COL6A6: variants seen among roughly 807,000 people sequenced by gnomAD.
COL6A6 encodes collagen type VI alpha 6 chain.
COL6A6 carries 183 observed loss-of-function variants against 208.6 expected under a neutral mutation model. That is an observed-to-expected ratio of 0.88 (90% confidence interval 0.78 to 0.99). COL6A6 has a LOEUF of 0.99. Ranked by LOEUF, COL6A6 falls within the 50% of genes least tolerant of loss-of-function variation. The pLI, the probability that COL6A6 is intolerant of heterozygous loss-of-function variation, is 0.00. For synonymous variants in COL6A6, 973 were observed against 1,011.8 expected (o/e 0.96, Z 0.73); for missense variants, 2,816 against 2,815.2 (o/e 1.00, Z -0.01).
intron 1 of COL6A6, among the ~76,000 whole-genome samples, chr3:130,530,192 G>A (rs548624173): frequency 6.6e-6 from 1 of 152,242 alleles, no homozygotes; most frequent in South Asian, 2.1e-4. Context: ...CTTAAAAACC[G>A]TTTGGCTCTG....
At chr3:130,539,732 A>G (rs1286806263) in intron 1 of COL6A6, among the ~76,000 whole-genome samples, 1 of 152,200 alleles carries the variant, frequency 6.6e-6, no homozygotes, top group African/African-American at 2.4e-5. Flanking sequence ...TGATCAAAAT[A>G]TGCTCTTCAC....
At chr3:130,548,381 G>A (rs2062567599) in intron 1 of COL6A6, among the ~76,000 whole-genome samples, 1 of 152,154 alleles carries the variant, frequency 6.6e-6, no homozygotes, top group Non-Finnish European at 1.5e-5. Flanking sequence ...GTGCTTCTCA[G>A]GCCCCTGTCC....
chr3:130,554,250 A>G (rs1419262201), intron 1 of COL6A6, among the ~76,000 whole-genome samples: 1 of 152,226 alleles, frequency 6.6e-6, no homozygotes, highest in Non-Finnish European at 1.5e-5. Context: ...GCTCTTGTGC[A>G]GGTATTCATA....
chr3:130,628,017 A>T (rs2064942633), intron 26 of COL6A6, among the ~76,000 whole-genome samples: 1 of 152,230 alleles, frequency 6.6e-6, no homozygotes, highest in Admixed American at 6.5e-5. Context: ...AATTGCTGAG[A>T]CAGAAAAGAG....
chr3:130,570,882 T>G lies in COL6A6; in HGVS notation c.2466T>G (p.Tyr822Ter), dbSNP rs1364997858. The G allele has an allele frequency of 6.2e-7, 1 of 1,613,890 alleles. No homozygotes were observed. The highest frequency in any genetic ancestry group is 1.7e-5 in the Admixed American group (1 of 60,010). Residue 822 changes from tyrosine to a stop codon, truncating the protein, a stop_gained, in exon 7 of 37, where the codon TAT becomes TAG. Transcript: ENST00000358511. LOFTEE classifies it high-confidence loss of function. Reference protein sequence around the residue: ...FVIDSSGSIDYDEYNIMKDFM... With the variant: ...FVIDSSGSID The stretch of plus-strand genomic sequence containing the variant: ...TTGATAGCTCTGGCAGTATTGACTA[T>G]GATGAGTATAATATCATGAAGGATT...
In COL6A6 at chr3:130,563,344, C is replaced by T; in HGVS notation, c.341C>T (p.Ala114Val). 2 of 1,613,992 alleles carry T rather than the reference C, an allele frequency of 1.2e-6. No homozygotes were observed. The highest frequency in any genetic ancestry group is 1.7e-6 in the Non-Finnish European group (2 of 1,179,884). ...SLQIGKALQE[A>V]HRTYFSAPAN... Reference sequence around the variant, plus strand: ...CAGATAGGAAAGGCTCTTCAGGAGGCTCACAGGACTTATTTCTCTGCACCC... The same window carrying T: ...CAGATAGGAAAGGCTCTTCAGGAGGTTCACAGGACTTATTTCTCTGCACCC... The change falls in exon 3 of 37, where the codon GCT becomes GTT. Residue 114 changes from alanine to valine, a missense_variant. By Grantham distance (64) the Ala-to-Val change is moderately conservative. Transcript: ENST00000358511.
chr3:130,671,782 A>C (rs1443586164), intron 36 of COL6A6, among the ~76,000 whole-genome samples: 1 of 152,224 alleles, frequency 6.6e-6, no homozygotes, highest in African/African-American at 2.4e-5. Context: ...GAAGGAGCTG[A>C]ATCAAACCAC....
chr3:130,634,711 T>C (rs754472997), intron 27 of COL6A6, 86 bp downstream of exon 27: 2 of 953,262 alleles, frequency 2.1e-6, no homozygotes, highest in Non-Finnish European at 3.2e-6. Flanking sequence ...AGAAGAACAG[T>C]TAATGATAAA....
chr3:130,599,186 T>C (rs920387626), intron 19 of COL6A6, among the ~76,000 whole-genome samples: 2 of 152,210 alleles, frequency 1.3e-5, no homozygotes, highest in African/African-American at 4.8e-5. Context: ...TTAATGACAT[T>C]ATAACCTTCA....
chr3:130,557,030 T>C lies in COL6A6; in HGVS notation c.-31-3304T>C, dbSNP rs565813982. 4.6e-5 allele frequency among the ~76,000 whole-genome samples: 7 copies of C among 152,352 alleles called. No individual in the cohort carries two copies. In the South Asian group the frequency reaches 1.4e-3, roughly 32 times the overall value. ...AAAACTGTTAAGGTGTGGAACTGCT[T>C]GGACTGAGAGAGACTGTAATCCCTT... On this transcript the variant is annotated intron_variant, in intron 1 of 36. Transcript: ENST00000358511.
intron 23 of COL6A6, among the ~76,000 whole-genome samples, chr3:130,618,423 A>G (rs532470773): frequency 6.6e-6 from 1 of 152,346 alleles, no homozygotes; most frequent in South Asian, 2.1e-4. Context: ...CAGCCATTAC[A>G]TCAAAGCCAA....
chr3:130,645,661 C>G lies in COL6A6; in HGVS notation c.5239+659C>G, dbSNP rs528141556. On this transcript the variant is annotated intron_variant, in intron 32 of 36. Coordinates refer to ENST00000358511, the MANE Select transcript of COL6A6 (RefSeq NM_001102608.3). ...CAGTGGTTAATTAGGGATTAAGATGCAGAAGGCAGAATAAAAGTGGGGATG... is the reference window on the plus strand; with the variant it reads ...CAGTGGTTAATTAGGGATTAAGATGGAGAAGGCAGAATAAAAGTGGGGATG... Among the ~76,000 whole-genome samples the G allele has an allele frequency of 2.6e-5, 4 of 152,248 alleles. No homozygotes were observed. The East Asian group carries it at 7.7e-4, about 29-fold the overall frequency.
intron 8 of COL6A6, 68 bp downstream of exon 8, chr3:130,574,593 A>G (rs1308755348): frequency 1.5e-6 from 2 of 1,320,214 alleles, no homozygotes; most frequent in African/African-American, 1.4e-5. Context: ...TTCCAGCTCC[A>G]TTGTCATCCC....
At position 130,589,224 on chromosome 3, in the gene COL6A6, A is replaced by G. The variant is rs756190004; in HGVS notation, c.4218+42A>G. 6.3e-6 allele frequency: 9 copies of G among 1,417,652 alleles called. 1 individual carries two copies. The highest frequency in any genetic ancestry group is 5.8e-5 in the South Asian group (5 of 86,336). The allele number at this position is 1,417,652 out of a possible 1,614,324, so 87.8% of individuals were successfully genotyped here. On this transcript the variant is annotated intron_variant, in intron 12 of 36. Transcript: ENST00000358511. ...TTTATGGGTTACTTTGAGTTGTAGT[A>G]TGTCCTTCAGACATGGGTTTAAGTA...
At chr3:130,624,039 C>T (rs1345696597) in intron 24 of COL6A6, among the ~76,000 whole-genome samples, 1 of 151,848 alleles carries the variant, frequency 6.6e-6, no homozygotes, top group East Asian at 1.9e-4. Flanking sequence ...GAAAGGGAGA[C>T]AGGACTGCAA....
At chr3:130,653,424 ATTTG>A (rs1576404349) in intron 33 of COL6A6, among the ~76,000 whole-genome samples, 1 of 152,154 alleles carries the variant, frequency 6.6e-6, no homozygotes, top group Admixed American at 6.5e-5. Context: ...GATAATTTTT[ATTTG>A]TTTATATATA....
intron 28 of COL6A6, among the ~76,000 whole-genome samples, chr3:130,640,360 T>C (rs115546615): frequency 0.18 from 26,781 of 152,070 alleles, 2,923 homozygotes; most frequent in African/African-American, 0.3. Context: ...CCACCATTGT[T>C]TTTTGCCTTT....
At chr3:130,625,402 G>T (rs2064855437) in intron 24 of COL6A6, among the ~76,000 whole-genome samples, 1 of 152,172 alleles carries the variant, frequency 6.6e-6, no homozygotes, top group Non-Finnish European at 1.5e-5. Context: ...GAGATGGAGA[G>T]TAACTTGGCA....
intron 1 of COL6A6, among the ~76,000 whole-genome samples, chr3:130,524,415 CT>C (rs886737676): frequency 3.8e-4 from 58 of 152,154 alleles, no homozygotes; most frequent in Admixed American, 6.5e-5. Flanking sequence ...GTATAAATTC[CT>C]TTTTTTCCTA....
Sources: gnomAD v4.1 joint callset for allele counts (sites outside exome capture counted in the v4.1 genomes callset) on GRCh38, gnomAD v4.1.1 for gene constraint, MANE v1.5 for transcripts, NCBI Gene and HGNC (gene_info 2026-07-23, HGNC 2026-07-21) for gene names.